The following ARMH3 variants were observed in gnomAD, a reference collection of about 807,000 sequenced individuals.
The protein encoded by ARMH3 is armadillo-like helical domain-containing protein 3.
In ARMH3, 60 loss-of-function variants were observed where a neutral mutation model predicts 99.1. The observed-to-expected ratio is 0.61, with a 90% CI of 0.49 to 0.75. The LOEUF (loss-of-function observed/expected upper bound fraction) is 0.75, where lower values mean the gene tolerates loss of function less well. ARMH3 is among the 30% of genes least tolerant of loss of function. The pLI is 0.00. For missense variants in ARMH3, 679 were observed against 843.1 expected (o/e 0.81, Z 2.41); for synonymous variants, 285 against 292.8 (o/e 0.97, Z 0.27).
rs1463323853 is a variant in ARMH3, at chr10:101,911,103, T to C, written c.1782-21613A>G. On this transcript the variant is annotated intron_variant, in intron 23 of 25. Coordinates refer to ENST00000370033, the MANE Select transcript of ARMH3 (RefSeq NM_024541.3). ...TTGCAGTGAGCCAAGATCATGCCAC[T>C]GCACTCCAGCCTGGGTGACAGAGTG... 2.0e-5 allele frequency among the ~76,000 whole-genome samples: 3 copies of C among 150,606 alleles called. No individual in the cohort carries two copies. The East Asian group carries it at 5.8e-4, about 29-fold the overall frequency.
intron 24 of ARMH3, among the ~76,000 whole-genome samples, chr10:101,874,893 C>T (rs183188655): frequency 3.4e-4 from 52 of 152,134 alleles, no homozygotes; most frequent in African/African-American, 1.1e-3. Flanking sequence ...GTGAAGACTC[C>T]GTTCATGTAC....
At chr10:102,036,437 G>C (rs1015603237) in intron 2 of ARMH3, among the ~76,000 whole-genome samples, 4 of 152,214 alleles carry the variant, frequency 2.6e-5, no homozygotes, top group African/African-American at 4.8e-5. Flanking sequence ...ATAGAAAAGG[G>C]GGAAAGGTGG....
Position 102,014,035 on chromosome 10 carries a change from AGAG to A in ARMH3, c.670-14_670-12del, listed in dbSNP as rs774614855. ...ATAAGGATTCACAGACTGTTAAATAAGAGAAGAGACTCCAGGTAAGTCTGACCT... is the reference window on the plus strand; with the variant it reads ...ATAAGGATTCACAGACTGTTAAATAAAAGAGACTCCAGGTAAGTCTGACCT... On this transcript the variant is annotated splice_polypyrimidine_tract_variant and intron_variant, in intron 8 of 25. Transcript: ENST00000370033. 7 of 1,604,594 alleles carry A rather than the reference AGAG, an allele frequency of 4.4e-6. No individual in the cohort carries two copies. The Admixed American group carries it at 8.6e-5, about 20-fold the overall frequency.
intron 8 of ARMH3, among the ~76,000 whole-genome samples, chr10:102,018,488 T>C (rs538212613): frequency 1.4e-4 from 21 of 152,336 alleles, no homozygotes; most frequent in Middle Eastern, 6.8e-3. Context: ...TGGTCCATAA[T>C]GGACTGCATA....
intron 4 of ARMH3, 86 bp from the exon 5 acceptor site, chr10:102,029,831 G>T: frequency 8.0e-7 from 1 of 1,253,088 alleles, no homozygotes; most frequent in Admixed American, 2.3e-5. Flanking sequence ...TTACACAGCT[G>T]ACACTGAATA....
At chr10:102,030,447 G>C (rs372684832) in intron 4 of ARMH3, among the ~76,000 whole-genome samples, 3 of 152,166 alleles carry the variant, frequency 2.0e-5, no homozygotes, top group African/African-American at 7.2e-5. Flanking sequence ...AGTGGCTCAA[G>C]CCTGTAATCC....
At chr10:101,858,084 A>G (rs1392444988) in intron 24 of ARMH3, among the ~76,000 whole-genome samples, 1 of 152,264 alleles carries the variant, frequency 6.6e-6, no homozygotes, top group African/African-American at 2.4e-5. Context: ...GCAAAAGCCA[A>G]TTCTTCTTTC....
At chr10:101,935,543 T>G (rs958335104) in intron 23 of ARMH3, among the ~76,000 whole-genome samples, 1 of 152,178 alleles carries the variant, frequency 6.6e-6, no homozygotes, top group Non-Finnish European at 1.5e-5. Flanking sequence ...GCCTTTCACC[T>G]GCTAGGGAGA....
rs1382008595 is a variant in ARMH3 at position 101,985,281 on chromosome 10, TACGTATATACAC to T, written c.1406+5258_1406+5269del. Among the ~76,000 whole-genome samples the T allele has an allele frequency of 4.8e-5, 7 of 144,818 alleles. No individual in the cohort carries two copies. The East Asian group carries it at 1.4e-3, about 30-fold the overall frequency. On this transcript the variant is annotated intron_variant, in intron 19 of 25. Transcript: ENST00000370033. ...ATATGTGTATATACGTATGTGTATA[TACGTATATACAC>T]ACGTATATATACATGTATATACATA...
intron 5 of ARMH3, among the ~76,000 whole-genome samples, chr10:102,027,089 G>A (rs1199674995): frequency 6.6e-6 from 1 of 152,086 alleles, no homozygotes; most frequent in African/African-American, 2.4e-5. Flanking sequence ...GACCAGCCTG[G>A]CCAACAGGGT....
At position 102,023,702 on chromosome 10, in the gene ARMH3, G is replaced by GTT. The variant is rs767304397; in HGVS notation, c.554_555insAA (p.Asn186ThrfsTer33). The GTT allele has an allele frequency of 6.2e-7, 1 of 1,614,110 alleles. No individual in the cohort carries two copies. Among genetic ancestry groups the GTT allele is most frequent in the East Asian group, 2.2e-5 (1 of 44,878 alleles). On this transcript the variant is annotated frameshift_variant, in exon 7 of 26. Transcript: ENST00000370033. LOFTEE classifies it high-confidence loss of function. Reference sequence around the variant, plus strand: ...GTAAAATTGCTTCAAATATGCTGTTGATCATTACATACTCGAGAATAGTGT... The same window carrying GTT: ...GTAAAATTGCTTCAAATATGCTGTTGTTATCATTACATACTCGAGAATAGTGT...
At chr10:102,000,289 AT>A (rs201797234) in intron 15 of ARMH3, among the ~76,000 whole-genome samples, 2,108 of 152,238 alleles carry the variant, frequency 0.014, 33 homozygotes, top group South Asian at 0.027. Flanking sequence ...TCACCATGAA[AT>A]CAAAGGCTTA....
intron 4 of ARMH3, 120 bp from the exon 5 acceptor site, chr10:102,029,865 G>C (rs1447723931): frequency 9.8e-7 from 1 of 1,016,348 alleles, no homozygotes; most frequent in Non-Finnish European, 1.4e-6. Flanking sequence ...TGAGTTCTGA[G>C]CTCCAAAACA....
intron 23 of ARMH3, among the ~76,000 whole-genome samples, chr10:101,911,286 T>C (rs1332298774): frequency 1.3e-5 from 2 of 152,198 alleles, no homozygotes; most frequent in African/African-American, 4.8e-5. Context: ...AATTCTCTGC[T>C]CTGCTGTCAA....
At chr10:101,881,603 C>T (rs944196269) in intron 24 of ARMH3, among the ~76,000 whole-genome samples, 1 of 152,068 alleles carries the variant, frequency 6.6e-6, no homozygotes, top group African/African-American at 2.4e-5. Flanking sequence ...TAGGCCTCAT[C>T]ATATGTCTAC....
intron 24 of ARMH3, 23 bp downstream of exon 24, chr10:101,889,389 A>G: frequency 6.3e-7 from 1 of 1,593,536 alleles, no homozygotes; most frequent in Non-Finnish European, 8.6e-7. Context: ...CAACTAGGTC[A>G]TCTGGGGAAA....
At position 102,036,255 on chromosome 10, in the gene ARMH3, TG is replaced by T. The variant is rs559468066; in HGVS notation, c.103-2917del. On this transcript the variant is annotated intron_variant, in intron 2 of 25. Transcript: ENST00000370033. ...CCAGCCGCCCCGTCCGGGAGGGAGA[TG>T]GGGGGGCACATCCGCCCGGCCGCCG... Among the ~76,000 whole-genome samples the T allele has an allele frequency of 5.7e-5, 7 of 121,752 alleles. No homozygotes were observed. The East Asian group carries it at 1.9e-3, about 33-fold the overall frequency. The allele number at this position is 121,752 out of a possible 152,430, so 79.9% of individuals were successfully genotyped here.
chr10:101,972,057 AACAG>A (rs1845793306), intron 20 of ARMH3, among the ~76,000 whole-genome samples: 1 of 152,222 alleles, frequency 6.6e-6, no homozygotes, highest in African/African-American at 2.4e-5. Context: ...GCATCATAGA[AACAG>A]ACAGTGGCAG....
chr10:101,864,295 G>A (rs1383347208), intron 24 of ARMH3, among the ~76,000 whole-genome samples: 1 of 152,134 alleles, frequency 6.6e-6, no homozygotes, highest in East Asian at 1.9e-4. Context: ...ACTGTTGGTG[G>A]AACTGTAAAC....
Sources: allele counts gnomAD v4.1 joint callset (sites outside exome capture counted in the v4.1 genomes callset), GRCh38; gene constraint gnomAD v4.1.1; transcripts MANE v1.5; gene names NCBI Gene and HGNC (gene_info 2026-07-23, HGNC 2026-07-21).